The following TRIO variants were observed in gnomAD, a reference collection of about 807,000 sequenced individuals.
The protein encoded by TRIO is trio Rho guanine nucleotide exchange factor.
TRIO carries 58 observed loss-of-function variants against 351.9 expected under a neutral mutation model. That is an observed-to-expected ratio of 0.16 (90% CI 0.13 to 0.21). The LOEUF is 0.21. TRIO is among the 10% of genes least tolerant of loss of function. The pLI is 1.00. For missense variants in TRIO, 3,201 were observed against 4,027.8 expected (o/e 0.79, Z 5.56); for synonymous variants, 1,758 against 1,595.7 (o/e 1.10, Z -2.42).
intron 11 of TRIO, among the ~76,000 whole-genome samples, chr5:14,344,348 C>CA (rs919259842): frequency 1.3e-5 from 2 of 151,150 alleles, no homozygotes; most frequent in East Asian, 1.9e-4. Flanking sequence ...TGGGAATATC[C>CA]AAAAAAAATA....
At chr5:14,479,404 T>C (rs1755348526) in intron 42 of TRIO, 54 bp downstream of exon 42, 1 of 1,493,254 alleles carries the variant, frequency 6.7e-7, no homozygotes, top group Non-Finnish European at 9.2e-7. Flanking sequence ...TTCCAACTTA[T>C]TTCTAAAAAT....
At position 14,363,931 on chromosome 5, in the gene TRIO, A is replaced by G. The variant is rs1364859152; in HGVS notation, c.2587+4A>G. On this transcript the variant is annotated splice_donor_region_variant and intron_variant, in intron 14 of 56. Coordinates refer to ENST00000344204, the MANE Select transcript of TRIO (RefSeq NM_007118.4). ...GTCAATGAGGTCCAGGCCTCTGGTA[A>G]GAGGGCTCACTCCATCTGTGTCCGT... The G allele has an allele frequency of 1.9e-6, 3 of 1,612,170 alleles. No individual in the cohort carries two copies. The highest frequency in any genetic ancestry group is 2.5e-6 in the Non-Finnish European group (3 of 1,178,556).
chr5:14,398,736 C>T (rs968028570), intron 29 of TRIO, 144 bp from the exon 30 acceptor site: 21 of 714,508 alleles, frequency 2.9e-5, no homozygotes, highest in Admixed American at 1.5e-4. Flanking sequence ...TCAGTGGCGT[C>T]GAGTCAGGAT....
rs1735898226 is a variant in TRIO at position 14,280,454 on chromosome 5, T to C, written c.347+18T>C. 6.2e-7 allele frequency: 1 copy of C among 1,603,030 alleles called. No individual in the cohort carries two copies. The highest frequency in any genetic ancestry group is 8.5e-7 in the Non-Finnish European group (1 of 1,169,870). On this transcript the variant is annotated intron_variant, in intron 3 of 56. Transcript: ENST00000344204. ...ATTCCCAGGTAAGTTCTGTGTGGCT[T>C]GTGCTTGTCACTGATGTCACATTTA... is the stretch of plus-strand genomic sequence containing the variant.
rs979509622 is a variant in TRIO, at chr5:14,477,016, A to T, written c.6153+53A>T. Reference sequence around the variant, plus strand: ...TGTTCTGATGGTGTCATCCTTAGTCACTGGTTTGTCAGATTAAAGGAGAAC... The same window carrying T: ...TGTTCTGATGGTGTCATCCTTAGTCTCTGGTTTGTCAGATTAAAGGAGAAC... On this transcript the variant is annotated intron_variant, in intron 41 of 56. Coordinates refer to ENST00000344204, the MANE Select transcript of TRIO (RefSeq NM_007118.4). The T allele has an allele frequency of 1.5e-5, 23 of 1,519,052 alleles. No homozygotes were observed. The East Asian group carries it at 3.8e-4, about 25-fold the overall frequency. 94.1% of individuals were successfully genotyped at this position (1,519,052 alleles called of 1,614,324 possible).
chr5:14,315,109 G>T (rs1031877445), intron 8 of TRIO, among the ~76,000 whole-genome samples: 1 of 152,186 alleles, frequency 6.6e-6, no homozygotes, highest in East Asian at 1.9e-4. Flanking sequence ...ATTCTGCAGG[G>T]TCACTTGCCA....
intron 2 of TRIO, among the ~76,000 whole-genome samples, chr5:14,278,895 A>G (rs1735760194): frequency 6.6e-6 from 1 of 152,232 alleles, no homozygotes; most frequent in South Asian, 2.1e-4. Context: ...TAAAGCCAGT[A>G]GTTCGAAAGA....
At chr5:14,304,401 A>G in intron 7 of TRIO, 60 bp from the exon 8 acceptor site, 1 of 1,534,408 alleles carries the variant, frequency 6.5e-7, no homozygotes, top group East Asian at 2.3e-5. Context: ...ATGTTAAAAA[A>G]TGTCCACTTC....
intron 1 of TRIO, among the ~76,000 whole-genome samples, chr5:14,247,969 G>A (rs1317062994): frequency 6.6e-6 from 1 of 151,890 alleles, no homozygotes; most frequent in Non-Finnish European, 1.5e-5. Flanking sequence ...GGGAGGCTGA[G>A]GCAGAAGAAT....
At chr5:14,487,324 T>A in intron 47 of TRIO, 140 bp from the exon 48 acceptor site, 1 of 998,730 alleles carries the variant, frequency 1.0e-6, no homozygotes, top group Non-Finnish European at 1.2e-6. Context: ...CTTCTAGCTC[T>A]CCTGATGGGT....
intron 8 of TRIO, among the ~76,000 whole-genome samples, chr5:14,307,995 T>C (rs537545321): frequency 6.6e-6 from 1 of 152,332 alleles, no homozygotes; most frequent in Admixed American, 6.5e-5. Flanking sequence ...TTTCTGTGTC[T>C]TTTTGATATG....
chr5:14,450,875 C>T (rs1377204523), intron 34 of TRIO, among the ~76,000 whole-genome samples: 2 of 152,154 alleles, frequency 1.3e-5, no homozygotes, highest in African/African-American at 4.8e-5. Flanking sequence ...GGTGTTTCAA[C>T]CCCTGATGAA....
intron 8 of TRIO, among the ~76,000 whole-genome samples, chr5:14,307,090 T>A (rs1738436915): frequency 2.0e-5 from 3 of 152,184 alleles, no homozygotes; most frequent in African/African-American, 2.4e-5. Context: ...CTTAAATTAT[T>A]TACATTTTGA....
intron 36 of TRIO, 53 bp downstream of exon 36, chr5:14,462,978 A>G (rs1041452361): frequency 4.0e-6 from 6 of 1,501,282 alleles, no homozygotes; most frequent in African/African-American, 2.8e-5. Flanking sequence ...GGGGCAGGGC[A>G]CGCTCGGTAG....
chr5:14,498,525 G>A lies in TRIO; in HGVS notation c.8217G>A (p.Leu2739=). The A allele has an allele frequency of 6.2e-7, 1 of 1,614,024 alleles. No individual in the cohort carries two copies. The highest frequency in any genetic ancestry group is 8.5e-7 in the Non-Finnish European group (1 of 1,179,902). Reference sequence around the variant, plus strand: ...GTTCCCATCTGTGCCGCAGTGACCTGGGAGAGGCCACGCTGAAGATTGTGG... The same window carrying A: ...GTTCCCATCTGTGCCGCAGTGACCTAGGAGAGGCCACGCTGAAGATTGTGG... ...DGHYSISYSD[L]GEATLKIVGV... is the part of the protein sequence containing the mutation. Residue 2739 remains leucine, a synonymous_variant, in exon 53 of 57, where the codon CTG becomes CTA. Coordinates refer to ENST00000344204, the MANE Select transcript of TRIO (RefSeq NM_007118.4).
At chr5:14,457,188 A>G (rs1344556953) in intron 34 of TRIO, among the ~76,000 whole-genome samples, 1 of 152,322 alleles carries the variant, frequency 6.6e-6, no homozygotes, top group East Asian at 1.9e-4. Flanking sequence ...CTTATAGTTT[A>G]TGACCACTGC....
intron 1 of TRIO, among the ~76,000 whole-genome samples, chr5:14,154,246 T>A (rs567317575): frequency 1.3e-5 from 2 of 152,114 alleles, no homozygotes; most frequent in South Asian, 4.2e-4. Context: ...GGGGAGAGGC[T>A]GGCCAGGGAG....
At chr5:14,344,757 G>A (rs143081876) in intron 11 of TRIO, among the ~76,000 whole-genome samples, 3 of 152,220 alleles carry the variant, frequency 2.0e-5, no homozygotes, top group Non-Finnish European at 1.5e-5. Flanking sequence ...GTCCTCCTCC[G>A]AGTAATAACC....
At chr5:14,293,248 T>G (rs1005120477) in intron 6 of TRIO, 114 bp downstream of exon 6, 3 of 1,432,414 alleles carry the variant, frequency 2.1e-6, no homozygotes, top group African/African-American at 2.8e-5. Flanking sequence ...GGCTGTTGAT[T>G]GTAGCAGCTG....
Sources: gnomAD v4.1 joint callset for allele counts (sites outside exome capture counted in the v4.1 genomes callset) on GRCh38, gnomAD v4.1.1 for gene constraint, MANE v1.5 for transcripts, NCBI Gene and HGNC (gene_info 2026-07-23, HGNC 2026-07-21) for gene names.